The following TAF4B variants were observed in gnomAD, a reference collection of about 807,000 sequenced individuals.
TAF4B encodes TATA-box binding protein associated factor 4b, also known as transcription initiation factor TFIID subunit 4B.
A neutral mutation model predicts 86.4 loss-of-function variants in TAF4B; 38 were observed. That is an observed-to-expected ratio of 0.44 (90% confidence interval 0.34 to 0.58). The LOEUF (loss-of-function observed/expected upper bound fraction) is 0.58, where lower values mean the gene tolerates loss of function less well. TAF4B is among the 20% of genes least tolerant of loss of function. The pLI is 0.02. For synonymous variants in TAF4B, 388 were observed against 391.2 expected, an observed-to-expected ratio of 0.99 and a Z score of 0.10; for missense variants, 988 against 1,027.6, an observed-to-expected ratio of 0.96 and a Z score of 0.53.
intron 1 of TAF4B, among the ~76,000 whole-genome samples, chr18:26,246,573 G>A (rs376347049): frequency 1.3e-5 from 2 of 150,962 alleles, no homozygotes; most frequent in Non-Finnish European, 1.5e-5. Context: ...TCACTCTGTC[G>A]CCCACGCTGG....
chr18:26,281,959 C>T lies in TAF4B; in HGVS notation c.883-12C>T, dbSNP rs2056455098. On this transcript the variant is annotated splice_polypyrimidine_tract_variant and intron_variant, in intron 5 of 14. Coordinates refer to ENST00000269142, the MANE Select transcript of TAF4B (RefSeq NM_005640.3). Reference sequence around the variant, plus strand: ...TAGACTTAAAATTGTTTCTATTTCTCCCATCCCTCAGGATGCAAAAATCGA... The same window carrying T: ...TAGACTTAAAATTGTTTCTATTTCTTCCATCCCTCAGGATGCAAAAATCGA... The T allele has an allele frequency of 6.3e-7, 1 of 1,593,416 alleles. No homozygotes were observed. The highest frequency in any genetic ancestry group is 8.6e-7 in the Non-Finnish European group (1 of 1,163,208).
intron 13 of TAF4B, among the ~76,000 whole-genome samples, chr18:26,346,907 G>GTGTATATA (rs1171773933): frequency 0.013 from 144 of 11,212 alleles, 20 homozygotes; most frequent in Non-Finnish European, 0.025. Context: ...ATATGTGTGT[G>GTGTATATA]TATATATATA....
At chr18:26,382,592 T>G (rs550448376) in intron 14 of TAF4B, among the ~76,000 whole-genome samples, 8 of 152,076 alleles carry the variant, frequency 5.3e-5, no homozygotes, top group Non-Finnish European at 7.4e-5. Context: ...TACCCCACCT[T>G]TCACCCCAGA....
At position 26,285,222 on chromosome 18, in the gene TAF4B, G is replaced by GTTTTTTTTTTTTGTTTTTTTTTTTTTTT; in HGVS notation, c.973-648_973-647insGTTTTTTTTTTTTTTTTTTTTTTTTTTT. ...ATTTCTTCCTTTCCTTTTTTTTTTT[G>GTTTTTTTTTTTTGTTTTTTTTTTTTTTT]TTTTTTTTTTTTTTGGAGATGGGGT... On this transcript the variant is annotated intron_variant, in intron 6 of 14. Coordinates refer to ENST00000269142, the MANE Select transcript of TAF4B (RefSeq NM_005640.3). Among the ~76,000 whole-genome samples, 91 of 45,672 alleles carry GTTTTTTTTTTTTGTTTTTTTTTTTTTTT rather than the reference G, an allele frequency of 2.0e-3. 11 individuals carry two copies. The highest frequency in any genetic ancestry group is 0.013 in the East Asian group (12 of 910). The allele number at this position is 45,672 out of a possible 152,430, so 30.0% of individuals were successfully genotyped here. A position where few individuals can be genotyped will look rare whatever the true frequency, so the allele number is the denominator to read the frequency against.
intron 5 of TAF4B, among the ~76,000 whole-genome samples, chr18:26,279,857 C>A (rs914529887): frequency 6.6e-6 from 1 of 152,120 alleles, no homozygotes; most frequent in African/African-American, 2.4e-5. Context: ...GTATGGTCAA[C>A]ATGGCGAAAC....
At chr18:26,228,793 A>G (rs1328282349) in intron 1 of TAF4B, among the ~76,000 whole-genome samples, 2 of 152,056 alleles carry the variant, frequency 1.3e-5, no homozygotes, top group Admixed American at 6.5e-5. Context: ...CCCCCAAAGA[A>G]AGAACTGTCA....
At chr18:26,302,428 T>C (rs2144636858) in intron 9 of TAF4B, among the ~76,000 whole-genome samples, 2 of 144,386 alleles carry the variant, frequency 1.4e-5, no homozygotes, top group South Asian at 4.3e-4. Flanking sequence ...TGGAGTGCAT[T>C]GAGTGGCACT....
chr18:26,264,065 A>T (rs1018862909), intron 1 of TAF4B, among the ~76,000 whole-genome samples: 1 of 152,180 alleles, frequency 6.6e-6, no homozygotes, highest in Admixed American at 6.5e-5. Flanking sequence ...TGCCCAGGAC[A>T]CACAAATTGC....
At chr18:26,319,365 G>T (rs1016312055) in intron 10 of TAF4B, among the ~76,000 whole-genome samples, 23 of 150,766 alleles carry the variant, frequency 1.5e-4, no homozygotes, top group Admixed American at 1.5e-3. Flanking sequence ...GTGTGGTGGC[G>T]CTTGCCTATA....
At chr18:26,255,819 C>A in intron 1 of TAF4B, 1 of 1,446,676 alleles carries the variant, frequency 6.9e-7, no homozygotes, top group Non-Finnish European at 9.7e-7. Flanking sequence ...TTCCCCAAAA[C>A]GGCCTTTATA....
In TAF4B at chr18:26,311,881, A is replaced by G. The variant is rs1415652149; in HGVS notation, c.1833-3348A>G. 2.6e-5 allele frequency among the ~76,000 whole-genome samples: 4 copies of G among 152,294 alleles called. No homozygotes were observed. The East Asian group carries it at 7.7e-4, about 29-fold the overall frequency. On this transcript the variant is annotated intron_variant, in intron 9 of 14. Coordinates refer to ENST00000269142, the MANE Select transcript of TAF4B (RefSeq NM_005640.3). ...TGCTGTTGTTAGAGAAGTTAAGGGG[A>G]TAGAAGAAGACATTGTAAGAAGGCA... is the stretch of plus-strand genomic sequence containing the variant.
chr18:26,229,857 G>T lies in TAF4B; in HGVS notation c.343+2581G>T, dbSNP rs1185310402. Among the ~76,000 whole-genome samples, 3 of 151,910 alleles carry T rather than the reference G, an allele frequency of 2.0e-5. No homozygotes were observed. The East Asian group carries it at 5.8e-4, about 29-fold the overall frequency. On this transcript the variant is annotated intron_variant, in intron 1 of 14. Transcript: ENST00000269142. ...AGAATTAGCACTTGATTACACAAGG[G>T]TGCTTATATATGTCAGTTCTTCATT...
At chr18:26,282,852 C>G (rs908318332) in intron 6 of TAF4B, among the ~76,000 whole-genome samples, 2 of 152,206 alleles carry the variant, frequency 1.3e-5, no homozygotes, top group African/African-American at 4.8e-5. Context: ...ACCATCCTAA[C>G]AACATTTATA....
chr18:26,369,288 G>A (rs991054084), intron 14 of TAF4B, among the ~76,000 whole-genome samples: 1 of 152,182 alleles, frequency 6.6e-6, no homozygotes, highest in Non-Finnish European at 1.5e-5. Context: ...AAGGGTATTT[G>A]AAAGAAAAGC....
intron 14 of TAF4B, among the ~76,000 whole-genome samples, chr18:26,381,712 C>T (rs186450311): frequency 1.0e-4 from 15 of 149,154 alleles, no homozygotes; most frequent in Admixed American, 4.0e-4. Context: ...GGGCAATGAG[C>T]GAAACTCCGC....
chr18:26,273,371 T>C (rs916649277), intron 3 of TAF4B, among the ~76,000 whole-genome samples: 3 of 152,194 alleles, frequency 2.0e-5, no homozygotes, highest in Admixed American at 6.5e-5. Flanking sequence ...TTATGAAATA[T>C]ACATGCAAAC....
At chr18:26,385,469 C>A (rs1313598018) in intron 14 of TAF4B, among the ~76,000 whole-genome samples, 3 of 152,122 alleles carry the variant, frequency 2.0e-5, no homozygotes, top group Admixed American at 6.6e-5. Flanking sequence ...CATAATTGAT[C>A]TGGCAATTTT....
intron 14 of TAF4B, among the ~76,000 whole-genome samples, chr18:26,358,897 A>G (rs2057310050): frequency 6.6e-6 from 1 of 152,186 alleles, no homozygotes; most frequent in Admixed American, 6.5e-5. Context: ...TTGATCCTGA[A>G]CATTGGTAGT....
At chr18:26,331,260 A>G (rs1367464676) in intron 12 of TAF4B, among the ~76,000 whole-genome samples, 1 of 152,222 alleles carries the variant, frequency 6.6e-6, no homozygotes, top group East Asian at 1.9e-4. Context: ...AAACAAGGTC[A>G]TAAACTATTA....
Sources: gnomAD v4.1 joint callset for allele counts (sites outside exome capture counted in the v4.1 genomes callset) on GRCh38, gnomAD v4.1.1 for gene constraint, MANE v1.5 for transcripts, NCBI Gene and HGNC (gene_info 2026-07-23, HGNC 2026-07-21) for gene names.